Variants in HS6ST3 observed in about 807,000 individuals in gnomAD.
HS6ST3 encodes the protein heparan-sulfate 6-O-sulfotransferase 3.
A neutral mutation model predicts 36.7 loss-of-function variants in HS6ST3; 12 were observed. The ratio of observed to expected loss-of-function variants is 0.33; its 90% confidence interval spans 0.21 to 0.53. The LOEUF (loss-of-function observed/expected upper bound fraction) is 0.53. Among genes scored for constraint, HS6ST3 ranks in the 20% least tolerant of loss-of-function variants. The pLI, the probability that HS6ST3 is intolerant of heterozygous loss-of-function variation, is 0.95. For synonymous variants in HS6ST3, 240 were observed against 257.5 expected (o/e 0.93, Z 0.65); for missense variants, 584 against 640.9 (o/e 0.91, Z 0.96).
intron 1 of HS6ST3, among the ~76,000 whole-genome samples, chr13:96,711,866 C>T (rs937503572): frequency 2.0e-5 from 3 of 152,122 alleles, no homozygotes; most frequent in African/African-American, 7.2e-5. Context: ...GCTTTATAAT[C>T]CAGATTGTGA....
chr13:96,304,437 T>C (rs1594748095), intron 1 of HS6ST3, among the ~76,000 whole-genome samples: 1 of 152,212 alleles, frequency 6.6e-6, no homozygotes, highest in East Asian at 1.9e-4. Context: ...TATTAAATTA[T>C]TTATTATACA....
chr13:96,616,575 T>G (rs1231856451), intron 1 of HS6ST3, among the ~76,000 whole-genome samples: 2 of 152,146 alleles, frequency 1.3e-5, no homozygotes, highest in Admixed American at 6.5e-5. Context: ...ATTTTAGAAT[T>G]TCATAGAAAT....
rs183088278 is a variant in HS6ST3, at chr13:96,363,267, G to A, written c.707+271698G>A. The stretch of plus-strand genomic sequence containing the variant: ...GATGCCATCAATGGGAGTGGGTGAA[G>A]GGTTTATGGGGTCTTCCTGTACATT... On this transcript the variant is annotated intron_variant, in intron 1 of 1. Transcript: ENST00000376705. 6.8e-4 allele frequency among the ~76,000 whole-genome samples: 102 copies of A among 150,456 alleles called. 1 individual carries two copies. Among genetic ancestry groups the A allele is most frequent in the Middle Eastern group, 3.4e-3 (1 of 290 alleles).
intron 1 of HS6ST3, among the ~76,000 whole-genome samples, chr13:96,607,251 C>A: frequency 6.6e-6 from 1 of 151,970 alleles, no homozygotes; most frequent in East Asian, 1.9e-4. Flanking sequence ...AGATAATTAC[C>A]ACATCTTTCA....
intron 1 of HS6ST3, among the ~76,000 whole-genome samples, chr13:96,795,689 C>G (rs911337444): frequency 1.3e-5 from 2 of 152,074 alleles, no homozygotes; most frequent in Non-Finnish European, 2.9e-5. Flanking sequence ...AAATTACTTC[C>G]AGGCTGACGC....
intron 1 of HS6ST3, among the ~76,000 whole-genome samples, chr13:96,312,682 T>G (rs1041216401): frequency 6.6e-6 from 1 of 152,160 alleles, no homozygotes; most frequent in Admixed American, 6.5e-5. Flanking sequence ...CTGGACACAG[T>G]GGCTCATGCC....
At chr13:96,104,969 A>G (rs1309353155) in intron 1 of HS6ST3, among the ~76,000 whole-genome samples, 1 of 151,952 alleles carries the variant, frequency 6.6e-6, no homozygotes, top group Non-Finnish European at 1.5e-5. Context: ...TCCTTAAAAC[A>G]GTTATCAAGA....
intron 1 of HS6ST3, among the ~76,000 whole-genome samples, chr13:96,459,699 C>G (rs1594784901): frequency 6.6e-6 from 1 of 152,188 alleles, no homozygotes; most frequent in Non-Finnish European, 1.5e-5. Context: ...ATGTTCCTTT[C>G]TCAGCTCTAG....
intron 1 of HS6ST3, among the ~76,000 whole-genome samples, chr13:96,808,399 C>A (rs1878244575): frequency 6.6e-6 from 1 of 152,124 alleles, no homozygotes; most frequent in African/African-American, 2.4e-5. Context: ...TCCACAGTTC[C>A]CTTTATCCTC....
chr13:96,562,740 T>C (rs1414349585), intron 1 of HS6ST3, among the ~76,000 whole-genome samples: 1 of 152,082 alleles, frequency 6.6e-6, no homozygotes, highest in Non-Finnish European at 1.5e-5. Context: ...CTGTGTTTCA[T>C]CATGTACATG....
intron 1 of HS6ST3, among the ~76,000 whole-genome samples, chr13:96,132,953 C>T (rs767891771): frequency 7.3e-5 from 11 of 151,540 alleles, no homozygotes; most frequent in African/African-American, 2.4e-4. Context: ...TGTTTATTTG[C>T]CCATTTTTTT....
chr13:96,437,532 A>G (rs1045658899), intron 1 of HS6ST3, among the ~76,000 whole-genome samples: 6 of 152,232 alleles, frequency 3.9e-5, no homozygotes, highest in African/African-American at 1.2e-4. Context: ...CACTGAACAC[A>G]TGAGGATGCT....
chr13:96,583,481 C>T (rs1007491435), intron 1 of HS6ST3, among the ~76,000 whole-genome samples: 4 of 151,694 alleles, frequency 2.6e-5, no homozygotes, highest in East Asian at 1.9e-4. Flanking sequence ...CAAAGTGCCG[C>T]GATTACAGAT....
At chr13:96,534,255 T>C (rs376097591) in intron 1 of HS6ST3, among the ~76,000 whole-genome samples, 90 of 152,338 alleles carry the variant, frequency 5.9e-4, no homozygotes, top group African/African-American at 2.1e-3. Flanking sequence ...TGGATGCTCA[T>C]GGAACTCAGT....
At chr13:96,118,703 TTTTTTTTTTTTTTTTTTTG>T in intron 1 of HS6ST3, among the ~76,000 whole-genome samples, 1 of 91,758 alleles carries the variant, frequency 1.1e-5, no homozygotes, top group African/African-American at 4.6e-5. Context: ...TTTTTTTTTT[TTTTTTTTTTTTTTTTTTTG>T]AGACGGAGTC....
chr13:96,202,345 C>T (rs2054346796), intron 1 of HS6ST3, among the ~76,000 whole-genome samples: 1 of 152,200 alleles, frequency 6.6e-6, no homozygotes, highest in South Asian at 2.1e-4. Context: ...TGCTTTCTAG[C>T]TACTATCCCT....
intron 1 of HS6ST3, among the ~76,000 whole-genome samples, chr13:96,483,587 A>G (rs528167020): frequency 6.6e-6 from 1 of 152,370 alleles, no homozygotes; most frequent in African/African-American, 2.4e-5. Context: ...GAGTGCTTTC[A>G]GAATTAGGAA....
chr13:96,572,710 A>G (rs1439643635), intron 1 of HS6ST3, among the ~76,000 whole-genome samples: 1 of 152,084 alleles, frequency 6.6e-6, no homozygotes, highest in Non-Finnish European at 1.5e-5. Flanking sequence ...AATGCTTGAA[A>G]CAACTTTTAA....
At chr13:96,191,163 C>A (rs919680526) in intron 1 of HS6ST3, among the ~76,000 whole-genome samples, 1 of 152,180 alleles carries the variant, frequency 6.6e-6, no homozygotes, top group African/African-American at 2.4e-5. Flanking sequence ...GCTACTTCCT[C>A]AGTCCATGCC....
Sources: gnomAD v4.1 joint callset for allele counts (sites outside exome capture counted in the v4.1 genomes callset) on GRCh38, gnomAD v4.1.1 for gene constraint, MANE v1.5 for transcripts, NCBI Gene and HGNC (gene_info 2026-07-23, HGNC 2026-07-21) for gene names.